YLPM1: variants seen among roughly 807,000 people sequenced by gnomAD.
YLPM1 encodes YLP motif-containing protein 1.
Under a neutral mutation model 230.0 loss-of-function variants are expected in YLPM1, and 99 were observed. That is an observed-to-expected ratio of 0.43 (90% CI 0.37 to 0.51). The LOEUF is 0.51. YLPM1 is among the 20% of genes least tolerant of loss of function. The pLI, the probability that YLPM1 is intolerant of heterozygous loss-of-function variation, is 0.00. For synonymous variants in YLPM1, 984 were observed against 942.5 expected (o/e 1.04, Z -0.81); for missense variants, 2,592 against 2,707.7 (o/e 0.96, Z 0.95).
At chr14:74,815,582 G>A (rs1346627611) in intron 11 of YLPM1, among the ~76,000 whole-genome samples, 5 of 151,644 alleles carry the variant, frequency 3.3e-5, no homozygotes, top group Admixed American at 2.6e-4. Context: ...AAAAAAGTTG[G>A]TCTTTTTAAA....
Position 74,824,276 on chromosome 14 carries a change from A to G in YLPM1, c.6132A>G (p.Lys2044=). Residue 2044 remains lysine (K), a synonymous_variant, in exon 18 of 21, where the codon AAA becomes AAG. Coordinates refer to ENST00000325680, the MANE Select transcript of YLPM1 (RefSeq NM_019589.3). The part of the protein sequence containing the change: ...ESELGYIPKS[K]WEMDTSEAKL... ...TTTAGGGTTACATTCCGAAAAGCAA[A>G]TGGGAGATGGACACATCTGAGGCAA... The G allele has an allele frequency of 2.5e-6, 4 of 1,612,386 alleles. No individual in the cohort carries two copies. In the South Asian group the frequency reaches 3.3e-5, roughly 13 times the overall value.
intron 11 of YLPM1, among the ~76,000 whole-genome samples, chr14:74,813,032 T>C (rs2091449201): frequency 6.6e-6 from 1 of 152,178 alleles, no homozygotes; most frequent in Non-Finnish European, 1.5e-5. Flanking sequence ...CCTCAATTAA[T>C]TGCGCGTTGA....
At chr14:74,821,622 G>A (rs1442050899) in intron 17 of YLPM1, 1 of 152,294 alleles carries the variant, frequency 6.6e-6, no homozygotes, top group African/African-American at 2.4e-5. Context: ...TATCCTAAGT[G>A]ACGGGGAAAA....
chr14:74,801,716 C>T (rs1411375754), intron 5 of YLPM1, among the ~76,000 whole-genome samples: 1 of 152,194 alleles, frequency 6.6e-6, no homozygotes, highest in Non-Finnish European at 1.5e-5. Flanking sequence ...GCCTCTACTG[C>T]ACTCAGCTGA....
At chr14:74,832,524 T>A (rs2091614910) in intron 19 of YLPM1, among the ~76,000 whole-genome samples, 1 of 152,130 alleles carries the variant, frequency 6.6e-6, no homozygotes, top group Admixed American at 6.6e-5. Context: ...CAGCCTGGAG[T>A]GCAGTGGTGA....
intron 18 of YLPM1, chr14:74,827,467 AG>A: frequency 2.0e-6 from 2 of 985,450 alleles, no homozygotes; most frequent in Non-Finnish European, 2.4e-6. Flanking sequence ...CATTTCAAAA[AG>A]GGTGCTCAGA....
At chr14:74,797,136 C>G (rs1049119124) in intron 4 of YLPM1, among the ~76,000 whole-genome samples, 7 of 143,332 alleles carry the variant, frequency 4.9e-5, no homozygotes, top group Non-Finnish European at 1.1e-4. Flanking sequence ...CCACACCTGG[C>G]TAAATTTTTG....
chr14:74,821,305 G>A (rs2091518457), intron 17 of YLPM1, 168 bp downstream of exon 17: 9 of 1,027,850 alleles, frequency 8.8e-6, no homozygotes, highest in Middle Eastern at 2.8e-4. Context: ...TTTTTCCCCA[G>A]ACCAAAAGAA....
At chr14:74,802,323 A>G (rs1416809816) in intron 5 of YLPM1, among the ~76,000 whole-genome samples, 1 of 152,108 alleles carries the variant, frequency 6.6e-6, no homozygotes, top group African/African-American at 2.4e-5. Flanking sequence ...TGTAGAATCT[A>G]TTCTTGAATA....
At position 74,798,679 on chromosome 14, in the gene YLPM1, G is replaced by C; in HGVS notation, c.3382G>C (p.Ala1128Pro). Residue 1128 changes from alanine (A) to proline (P), a missense_variant, in exon 5 of 21, where the codon GCT (alanine) becomes CCT (proline). Physicochemically the swap from Ala to Pro is conservative, Grantham distance 27 (BLOSUM62 -1). This residue lies in a region of YLPM1 where 1,862 missense variants were observed against 1,819.8 expected (regional missense o/e 1.02). Transcript: ENST00000325680. Reference sequence around the variant, plus strand: ...TCAGGAGAGGGGACCTCTTCGAAGGGCTGGGAGTAGAGAGAGAATACCACC... The same window carrying C: ...TCAGGAGAGGGGACCTCTTCGAAGGCCTGGGAGTAGAGAGAGAATACCACC... The part of the protein sequence containing the change: ...GSQERGPLRR[A>P]GSRERIPPRR... The C allele has an allele frequency of 6.2e-7, 1 of 1,612,098 alleles. No homozygotes were observed. Among genetic ancestry groups the C allele is most frequent in the Admixed American group, 1.7e-5 (1 of 59,856 alleles).
Position 74,835,401 on chromosome 14 carries a change from AAT to A in YLPM1, c.6438_6439del (p.Ile2146MetfsTer6). ...GCTGAAAAAGCCCTCAATCGAACCA[AAT>A]ATATATGAGACTTAGTTTTTGAACG... On this transcript the variant is annotated frameshift_variant, in exon 20 of 21. Transcript: ENST00000325680. LOFTEE classifies it high-confidence loss of function. 6.2e-7 allele frequency: 1 copy of A among 1,613,504 alleles called. No homozygotes were observed. Among genetic ancestry groups the A allele is most frequent in the Non-Finnish European group, 8.5e-7 (1 of 1,179,602 alleles).
chr14:74,811,591 G>C, intron 9 of YLPM1, 29 bp from the exon 10 acceptor site: 1 of 1,545,274 alleles, frequency 6.5e-7, no homozygotes, highest in Non-Finnish European at 8.9e-7. Flanking sequence ...TTTTTTATTT[G>C]CTGAAGCGCT....
At chr14:74,814,203 T>C (rs2140130384) in intron 11 of YLPM1, among the ~76,000 whole-genome samples, 1 of 152,140 alleles carries the variant, frequency 6.6e-6, no homozygotes, top group East Asian at 1.9e-4. Flanking sequence ...GTACTAAAAA[T>C]ACAAAAAATT....
chr14:74,797,727 A>G lies in YLPM1; in HGVS notation c.2430A>G (p.Gly810=), dbSNP rs1417993316. The change falls in exon 5 of 21, where the codon GGA becomes GGG. Residue 810 remains glycine, a synonymous_variant. Transcript: ENST00000325680. ...HPAEGTKSKW[G]MIPRGPASQF... ...CAGAGGGCACTAAAAGCAAGTGGGGAATGATTCCCCGGGGGCCAGCATCTC... is the reference window on the plus strand; with the variant it reads ...CAGAGGGCACTAAAAGCAAGTGGGGGATGATTCCCCGGGGGCCAGCATCTC... 2.5e-6 allele frequency: 4 copies of G among 1,613,630 alleles called. No individual in the cohort carries two copies. The highest frequency in any genetic ancestry group is 3.4e-6 in the Non-Finnish European group (4 of 1,179,680).
intron 6 of YLPM1, among the ~76,000 whole-genome samples, chr14:74,804,151 A>G (rs905531863): frequency 6.6e-6 from 1 of 152,150 alleles, no homozygotes. Context: ...GCGAAACTCC[A>G]TCTCAAAATC....
At chr14:74,807,040 A>G (rs1038770204) in intron 6 of YLPM1, among the ~76,000 whole-genome samples, 5 of 152,190 alleles carry the variant, frequency 3.3e-5, no homozygotes, top group African/African-American at 1.2e-4. Flanking sequence ...TTCTTGACAA[A>G]GTTTACCATG....
intron 1 of YLPM1, among the ~76,000 whole-genome samples, chr14:74,773,711 C>CTTTTTTTTTTTTTT (rs766885242): frequency 6.6e-5 from 4 of 60,564 alleles, no homozygotes; most frequent in African/African-American, 7.5e-5. Context: ...TGTTTTCTTT[C>CTTTTTTTTTTTTTT]TTTTTTTTTT....
intron 1 of YLPM1, 49 bp from the exon 2 acceptor site, chr14:74,778,398 G>A: frequency 6.6e-7 from 1 of 1,507,882 alleles, no homozygotes; most frequent in Non-Finnish European, 9.0e-7. Context: ...CCAAGTTGCA[G>A]AGATACATGA....
At chr14:74,799,722 T>C in intron 5 of YLPM1, 25 bp downstream of exon 5, 4 of 1,563,862 alleles carry the variant, frequency 2.6e-6, no homozygotes, top group Non-Finnish European at 3.5e-6. Context: ...TCAGATCCTT[T>C]CTTTTAATAA....
Sources: gnomAD v4.1 joint callset for allele counts (sites outside exome capture counted in the v4.1 genomes callset) on GRCh38, gnomAD v4.1.1 for gene constraint, gnomAD v4.1.1 regional missense constraint, MANE v1.5 for transcripts, NCBI Gene and HGNC (gene_info 2026-07-23, HGNC 2026-07-21) for gene names.